PDE8B: variants seen among roughly 807,000 people sequenced by gnomAD.
PDE8B encodes high affinity cAMP-specific and IBMX-insensitive 3',5'-cyclic phosphodiesterase 8B.
PDE8B carries 26 observed loss-of-function variants against 101.3 expected under a neutral mutation model. The ratio of observed to expected loss-of-function variants is 0.26; its 90% CI spans 0.19 to 0.36. PDE8B has a LOEUF of 0.36. Among genes scored for constraint, PDE8B ranks in the 10% least tolerant of loss-of-function variants. The probability of loss-of-function intolerance (pLI) is 1.00; values close to 1 mark genes in which losing one functional copy is unlikely to be tolerated. For synonymous variants in PDE8B, 424 were observed against 429.3 expected, an observed-to-expected ratio of 0.99 and a Z score of 0.15; for missense variants, 810 against 1,163.1, an observed-to-expected ratio of 0.70 and a Z score of 4.42.
At chr5:77,203,211 A>C in the PDE8B span, among the ~76,000 whole-genome samples, 2 of 152,180 alleles carry the variant, frequency 1.3e-5, no homozygotes, top group African/African-American at 4.8e-5. Context: ...GGCCTTAAGC[A>C]CATTATTCTC....
intron 11 of PDE8B, among the ~76,000 whole-genome samples, chr5:77,400,873 G>GGA (rs1421353910): frequency 3.3e-5 from 5 of 151,586 alleles, no homozygotes; most frequent in African/African-American, 7.3e-5. Flanking sequence ...CCATTAGAGG[G>GGA]AAAAAAAATC....
At chr5:77,176,258 G>T in the PDE8B span, among the ~76,000 whole-genome samples, 1 of 152,118 alleles carries the variant, frequency 6.6e-6, no homozygotes, top group African/African-American at 2.4e-5. Context: ...TGTGAATGGG[G>T]TGAAGTTGGT....
chr5:77,348,996 C>CT (rs1780623638), intron 7 of PDE8B, among the ~76,000 whole-genome samples: 1 of 152,114 alleles, frequency 6.6e-6, no homozygotes, highest in South Asian at 2.1e-4. Flanking sequence ...CTGAAACTTT[C>CT]TTTTTTTAAC....
chr5:77,143,280 T>C, the PDE8B span, among the ~76,000 whole-genome samples: 1 of 152,226 alleles, frequency 6.6e-6, no homozygotes, highest in Non-Finnish European at 1.5e-5. Context: ...TGGATTAAAC[T>C]GGCTCTTGTT....
intron 1 of PDE8B, among the ~76,000 whole-genome samples, chr5:77,296,793 C>T (rs1207136491): frequency 6.6e-6 from 1 of 152,140 alleles, no homozygotes; most frequent in Non-Finnish European, 1.5e-5. Flanking sequence ...AACTGAGGTT[C>T]TGGGAGAATC....
At chr5:77,290,149 T>C (rs951378403) in intron 1 of PDE8B, 1 of 1,312,864 alleles carries the variant, frequency 7.6e-7, no homozygotes, top group African/African-American at 1.5e-5. Flanking sequence ...GTGTGGAAAA[T>C]GAATTCCAAT....
the PDE8B span, among the ~76,000 whole-genome samples, chr5:77,196,117 G>T: frequency 6.6e-6 from 1 of 152,014 alleles, no homozygotes; most frequent in African/African-American, 2.4e-5. Context: ...GAATTGGATT[G>T]TTCAGTTTTT....
intron 5 of PDE8B, 65 bp downstream of exon 5, chr5:77,331,524 C>A: frequency 1.6e-6 from 2 of 1,265,320 alleles, no homozygotes; most frequent in South Asian, 2.4e-5. Context: ...TCTCCCATAA[C>A]AGGGAAGCAA....
At chr5:77,159,214 T>A in the PDE8B span, among the ~76,000 whole-genome samples, 8 of 152,188 alleles carry the variant, frequency 5.3e-5, no homozygotes, top group Non-Finnish European at 7.3e-5. Context: ...TGATGGTTAA[T>A]ACTGAGTGTC....
chr5:77,128,410 G>A, the PDE8B span, among the ~76,000 whole-genome samples: 1 of 152,184 alleles, frequency 6.6e-6, no homozygotes, highest in African/African-American at 2.4e-5. Context: ...TCTTAATCCT[G>A]TTCACCTACA....
At position 77,426,276 on chromosome 5, in the gene PDE8B, G is replaced by A. The variant is rs188005676; in HGVS notation, c.2549-169G>A. The A allele has an allele frequency of 4.6e-4, 299 of 656,274 alleles. 2 individuals are homozygous for A. Among genetic ancestry groups the A allele is most frequent in the Non-Finnish European group, 5.5e-5 (20 of 363,258 alleles). 40.7% of individuals were successfully genotyped at this position (656,274 alleles called of 1,614,324 possible). A position where few individuals can be genotyped will look rare whatever the true frequency, so the allele number is the denominator to read the frequency against. On this transcript the variant is annotated intron_variant, in intron 21 of 21. Transcript: ENST00000264917. ...CACTGATAAGCAGCTTTTCAAAAAG[G>A]ACCTGTTTGCATTTCAGAAACTAGT...
chr5:77,400,168 T>C, intron 10 of PDE8B, 80 bp from the exon 11 acceptor site: 1 of 991,940 alleles, frequency 1.0e-6, no homozygotes, highest in Non-Finnish European at 1.6e-6. Context: ...GCTTTTTAAC[T>C]AAATTGTTTG....
chr5:77,147,084 A>C, the PDE8B span: 1 of 390,856 alleles, frequency 2.6e-6, no homozygotes, highest in Non-Finnish European at 4.9e-6. Flanking sequence ...TGATGCAGCA[A>C]AAAAGGGAGT....
At chr5:77,296,617 G>A (rs1242185453) in intron 1 of PDE8B, among the ~76,000 whole-genome samples, 1 of 152,096 alleles carries the variant, frequency 6.6e-6, no homozygotes, top group Non-Finnish European at 1.5e-5. Flanking sequence ...AATGGACTGG[G>A]GAGGCTATCT....
chr5:77,372,777 G>A (rs6875758), intron 10 of PDE8B, among the ~76,000 whole-genome samples: 47 of 152,006 alleles, frequency 3.1e-4, no homozygotes, highest in Non-Finnish European at 6.2e-4. Flanking sequence ...AGGTGTCGTG[G>A]CTCACGCCTG....
At chr5:77,235,383 A>G (rs990474928) in intron 1 of PDE8B, among the ~76,000 whole-genome samples, 1 of 152,222 alleles carries the variant, frequency 6.6e-6, no homozygotes, top group African/African-American at 2.4e-5. Context: ...TTTGCTGTGT[A>G]TATTTCAGCA....
intron 10 of PDE8B, among the ~76,000 whole-genome samples, chr5:77,357,099 C>A (rs957090485): frequency 6.6e-6 from 1 of 152,178 alleles, no homozygotes; most frequent in African/African-American, 2.4e-5. Context: ...GGGCCCCTTT[C>A]AATCATTCTC....
At chr5:77,122,508 C>T in the PDE8B span, among the ~76,000 whole-genome samples, 1 of 152,190 alleles carries the variant, frequency 6.6e-6, no homozygotes, top group Non-Finnish European at 1.5e-5. Context: ...TCAGCAGAAC[C>T]TAGGCTCATT....
intron 6 of PDE8B, 56 bp from the exon 7 acceptor site, chr5:77,344,797 A>T: frequency 9.0e-7 from 1 of 1,106,694 alleles, no homozygotes; most frequent in Non-Finnish European, 1.4e-6. Flanking sequence ...AAATTAACAG[A>T]TGAAATGTGA....
Sources: gnomAD v4.1 joint callset for allele counts (sites outside exome capture counted in the v4.1 genomes callset) on GRCh38, gnomAD v4.1.1 for gene constraint, MANE v1.5 for transcripts, NCBI Gene and HGNC (gene_info 2026-07-23, HGNC 2026-07-21) for gene names.